Variants in CASTOR2 observed in about 807,000 individuals in gnomAD.
The protein encoded by CASTOR2 is GATS protein like 2.
In CASTOR2, 8 loss-of-function variants were observed where a neutral mutation model predicts 31.2. The ratio of observed to expected loss-of-function variants is 0.26; its 90% CI spans 0.15 to 0.46. The LOEUF is 0.46. Among genes scored for constraint, CASTOR2 ranks in the 20% least tolerant of loss-of-function variants. The pLI is 0.99. For synonymous variants in CASTOR2, 162 were observed against 158.7 expected (o/e 1.02, Z -0.16); for missense variants, 216 against 382.1 (o/e 0.57, Z 3.62).
intron 2 of CASTOR2, among the ~76,000 whole-genome samples, chr7:75,015,485 C>G (rs1246748547): frequency 4.6e-5 from 7 of 151,948 alleles, no homozygotes; most frequent in African/African-American, 1.7e-4. Flanking sequence ...GCTACGTTCT[C>G]CAGGCTGGTC....
At position 75,018,035 on chromosome 7, in the gene CASTOR2, G is replaced by C; in HGVS notation, c.424G>C (p.Glu142Gln). The change falls in exon 4 of 9, where the codon GAG becomes CAG. Residue 142 changes from glutamate (E) to glutamine (Q), a missense_variant. Transcript: ENST00000616305. ...CTTTGTCACCCACACATTGTCATCA[G>C]AGTTCACCATCCTGCGGGTCGTCAA... ...LPFVTHTLSS[E>Q]FTILRVVNGE... 1.9e-6 allele frequency: 3 copies of C among 1,614,216 alleles called. No individual in the cohort carries two copies. The highest frequency in any genetic ancestry group is 2.5e-6 in the Non-Finnish European group (3 of 1,180,038).
At chr7:74,990,541 G>A (rs1804183025) in intron 1 of CASTOR2, among the ~76,000 whole-genome samples, 2 of 62,850 alleles carry the variant, frequency 3.2e-5, no homozygotes, top group African/African-American at 9.9e-5. Context: ...AACATAGTGA[G>A]ACCCTGGTCT....
chr7:74,998,027 G>A (rs1804393382), intron 1 of CASTOR2, among the ~76,000 whole-genome samples: 1 of 152,116 alleles, frequency 6.6e-6, no homozygotes, highest in Admixed American at 6.6e-5. Context: ...TCTGTAAAGG[G>A]TGGATGTCTC....
In CASTOR2 at chr7:75,020,040, G is replaced by C; in HGVS notation, c.637G>C (p.Val213Leu). 1 of 1,551,350 alleles carries C rather than the reference G, an allele frequency of 6.4e-7. No individual in the cohort carries two copies. Among genetic ancestry groups the C allele is most frequent in the Non-Finnish European group, 8.7e-7 (1 of 1,146,814 alleles). ...TTACCAGCTGCCTCTGGTCCCCAGAGTGAAGGACCCCATGGCCACTGGGGA... is the reference window on the plus strand; with the variant it reads ...TTACCAGCTGCCTCTGGTCCCCAGACTGAAGGACCCCATGGCCACTGGGGA... ...LMDVMFYSNG[V>L]KDPMATGDDC... Residue 213 changes from valine to leucine, a missense_variant and splice_region_variant, in exon 6 of 9, where the codon GTG becomes CTG. Val to Leu is a conservative substitution (Grantham distance 32). This residue lies in a region of CASTOR2 where 44 missense variants were observed against 57.5 expected (regional missense o/e 0.76). Transcript: ENST00000616305.
At chr7:75,006,787 G>A (rs1234638277) in intron 1 of CASTOR2, among the ~76,000 whole-genome samples, 2 of 152,010 alleles carry the variant, frequency 1.3e-5, no homozygotes, top group Non-Finnish European at 2.9e-5. Flanking sequence ...CTTGCCTGTT[G>A]CCATGTAAGA....
At chr7:75,020,728 A>C (rs1014370377) in intron 6 of CASTOR2, among the ~76,000 whole-genome samples, 8 of 151,924 alleles carry the variant, frequency 5.3e-5, no homozygotes, top group Non-Finnish European at 7.4e-5. Context: ...TGACCTTGTG[A>C]TCTGCCCGCC....
At chr7:74,981,846 C>T (rs1234207829) in intron 1 of CASTOR2, among the ~76,000 whole-genome samples, 3 of 139,670 alleles carry the variant, frequency 2.1e-5, no homozygotes, top group Admixed American at 7.4e-5. Context: ...GCAAGAGGAT[C>T]GCTTGAGGCC....
intron 1 of CASTOR2, among the ~76,000 whole-genome samples, chr7:75,002,000 G>C (rs1274894333): frequency 6.6e-6 from 1 of 152,204 alleles, no homozygotes; most frequent in African/African-American, 2.4e-5. Context: ...TGGGGCTGTA[G>C]GCTGTCAAAG....
Position 75,017,643 on chromosome 7 carries a change from T to C in CASTOR2, c.230T>C (p.Leu77Pro). The change falls in exon 3 of 9, where the codon CTG becomes CCG. Residue 77 changes from leucine (L) to proline (P), a missense_variant. Coordinates refer to ENST00000616305, the MANE Select transcript of CASTOR2 (RefSeq NM_001145064.3). ...CTGAGTGTGGCAGATGCCACCTGGC[T>C]GGCCCTGAACGTGGTGTCCGGCGGT... is the stretch of plus-strand genomic sequence containing the variant. ...EHLSVADATW[L>P]ALNVVSGGGS... 6.2e-7 allele frequency: 1 copy of C among 1,614,030 alleles called. No homozygotes were observed. Among genetic ancestry groups the C allele is most frequent in the Non-Finnish European group, 8.5e-7 (1 of 1,179,880 alleles).
intron 1 of CASTOR2, among the ~76,000 whole-genome samples, chr7:74,997,122 C>T (rs1254626499): frequency 1.3e-5 from 2 of 152,016 alleles, no homozygotes; most frequent in African/African-American, 4.8e-5. Context: ...GCAATCATAG[C>T]TCATCACTGC....
At chr7:75,015,142 T>A (rs1804838029) in intron 2 of CASTOR2, among the ~76,000 whole-genome samples, 1 of 152,228 alleles carries the variant, frequency 6.6e-6, no homozygotes, top group Admixed American at 6.5e-5. Context: ...GGAACAGGCA[T>A]GGGCCTCACT....
intron 2 of CASTOR2, among the ~76,000 whole-genome samples, chr7:75,012,251 C>T (rs1353389244): frequency 5.9e-5 from 9 of 152,102 alleles, no homozygotes; most frequent in Non-Finnish European, 1.2e-4. Flanking sequence ...GCTAGGAGGA[C>T]AACTGTACCC....
At chr7:75,004,996 G>A (rs1342271541) in intron 1 of CASTOR2, among the ~76,000 whole-genome samples, 2 of 151,850 alleles carry the variant, frequency 1.3e-5, no homozygotes, top group African/African-American at 4.8e-5. Context: ...CTCCCCAGTA[G>A]TTGGGATTAC....
chr7:74,972,712 C>G (rs1293727567), intron 1 of CASTOR2, among the ~76,000 whole-genome samples: 1 of 150,800 alleles, frequency 6.6e-6, no homozygotes, highest in East Asian at 2.0e-4. Context: ...CAGAGTCTTG[C>G]TCTGTCGCCC....
chr7:74,993,940 T>A (rs1195569629), intron 1 of CASTOR2, among the ~76,000 whole-genome samples: 1 of 152,230 alleles, frequency 6.6e-6, no homozygotes, highest in Non-Finnish European at 1.5e-5. Context: ...CTTCCCCCTC[T>A]GCCTTGGGGT....
chr7:75,027,909 G>T lies in CASTOR2; in HGVS notation c.*3210G>T. The T allele has an allele frequency of 9.1e-7, 1 of 1,094,518 alleles. No individual in the cohort carries two copies. Among genetic ancestry groups the T allele is most frequent in the Non-Finnish European group, 1.3e-6 (1 of 746,852 alleles). The allele number at this position is 1,094,518 out of a possible 1,614,324, so 67.8% of individuals were successfully genotyped here. A position where few individuals can be genotyped will look rare whatever the true frequency, so the allele number is the denominator to read the frequency against. On this transcript the variant is annotated 3_prime_UTR_variant, in exon 9 of 9. Coordinates refer to ENST00000616305, the MANE Select transcript of CASTOR2 (RefSeq NM_001145064.3). ...TTGTCCCCCAGCTATCTCCTGGTCT[G>T]CTGGGTGGGAGGGTCTCTCCAGGCC... is the stretch of plus-strand genomic sequence containing the variant.
chr7:75,029,952 T>C lies in CASTOR2; in HGVS notation c.*5253T>C, dbSNP rs1291022846. Among the ~76,000 whole-genome samples the C allele has an allele frequency of 6.6e-6, 1 of 152,038 alleles. No homozygotes were observed. The highest frequency in any genetic ancestry group is 2.4e-5 in the African/African-American group (1 of 41,388). ...GTGGGAGGATAGCTTGAGGCCAAGA[T>C]AGCAAGACCAACCTGGTCAACATAG... On this transcript the variant is annotated 3_prime_UTR_variant, in exon 9 of 9. Coordinates refer to ENST00000616305, the MANE Select transcript of CASTOR2 (RefSeq NM_001145064.3).
chr7:75,009,548 G>T (rs1554439138), intron 2 of CASTOR2, among the ~76,000 whole-genome samples: 4 of 151,922 alleles, frequency 2.6e-5, no homozygotes, highest in Non-Finnish European at 2.9e-5. Flanking sequence ...GATTACAGGC[G>T]TGAGCCACCG....
At chr7:74,984,319 G>A (rs1804014586) in intron 1 of CASTOR2, among the ~76,000 whole-genome samples, 1 of 150,638 alleles carries the variant, frequency 6.6e-6, no homozygotes, top group African/African-American at 2.4e-5. Context: ...TTGGGGTTGG[G>A]GATCTCCAAG....
Sources: gnomAD v4.1 joint callset for allele counts (sites outside exome capture counted in the v4.1 genomes callset) on GRCh38, gnomAD v4.1.1 for gene constraint, gnomAD v4.1.1 regional missense constraint, MANE v1.5 for transcripts, NCBI Gene and HGNC (gene_info 2026-07-23, HGNC 2026-07-21) for gene names.